Variants in CIITA observed in about 807,000 individuals in gnomAD.
The protein encoded by CIITA is MHC class II transactivator.
A neutral mutation model predicts 115.1 loss-of-function variants in CIITA; 72 were observed. That is an observed-to-expected ratio of 0.63 (90% CI 0.52 to 0.76). The LOEUF (loss-of-function observed/expected upper bound fraction) is 0.76, where lower values mean the gene tolerates loss of function less well. Ranked by LOEUF, CIITA falls within the 30% of genes least tolerant of loss-of-function variation. The probability of loss-of-function intolerance (pLI) is 0.00; values close to 1 mark genes in which losing one functional copy is unlikely to be tolerated. For missense variants in CIITA, 1,617 were observed against 1,463.8 expected, an observed-to-expected ratio of 1.10 and a Z score of -1.71; for synonymous variants, 763 against 635.6, an observed-to-expected ratio of 1.20 and a Z score of -3.02.
rs1221427989 is a variant in CIITA at position 10,925,165 on chromosome 16, G to A, written c.*1310G>A. 1 of 152,216 alleles carries A rather than the reference G, an allele frequency of 6.6e-6. No individual in the cohort carries two copies. Among genetic ancestry groups the A allele is most frequent in the African/African-American group, 2.4e-5 (1 of 41,428 alleles). The allele number at this position is 152,216 out of a possible 1,614,324, so 9.4% of individuals were successfully genotyped here. A position where few individuals can be genotyped will look rare whatever the true frequency, so the allele number is the denominator to read the frequency against. ...GCCTCAGTGCCACTACGGAATAGTT[G>A]GCTAGGACCCCTCCATGTGGGCTAG... On this transcript the variant is annotated 3_prime_UTR_variant, in exon 20 of 20. Coordinates refer to ENST00000324288, the MANE Select transcript of CIITA (RefSeq NM_000246.4).
At chr16:10,897,825 T>C (rs1473776157) in intron 3 of CIITA, among the ~76,000 whole-genome samples, 2 of 152,160 alleles carry the variant, frequency 1.3e-5, no homozygotes, top group Non-Finnish European at 2.9e-5. Flanking sequence ...TCATCTTCAT[T>C]TTCATCACCT....
rs1371832966 is a variant in CIITA at position 10,941,906 on chromosome 16, A to G, written n.1032A>G. 4.4e-6 allele frequency: 7 copies of G among 1,608,418 alleles called. No homozygotes were observed. The highest frequency in any genetic ancestry group is 1.7e-5 in the Admixed American group (1 of 59,366). ...TACAGGATCAGCACATTGACGAAGA[A>G]CAGGCCCACGTAGAACATAGAGGGC... On this transcript the variant is annotated non_coding_transcript_exon_variant, in exon 2 of 2. Transcript: ENST00000573379. The surrounding 1 kb of genome is among the most constrained non-coding windows in gnomAD (Gnocchi z 6.4).
chr16:10,906,759 G>A lies in CIITA; in HGVS notation c.1267G>A (p.Gly423Ser). The A allele has an allele frequency of 6.2e-7, 1 of 1,610,984 alleles. No homozygotes were observed. Among genetic ancestry groups the A allele is most frequent in the African/African-American group, 1.3e-5 (1 of 75,054 alleles). ...AGTGATTGCTGTGCTGGGCAAAGCTGGTCAGGGCAAGAGCTATTGGGCTGG... is the reference window on the plus strand; with the variant it reads ...AGTGATTGCTGTGCTGGGCAAAGCTAGTCAGGGCAAGAGCTATTGGGCTGG... ...TRVIAVLGKA[G>S]QGKSYWAGAV... Residue 423 changes from glycine to serine, a missense_variant, in exon 11 of 20, where the codon GGT (glycine) becomes AGT (serine). By Grantham distance (56) the Gly-to-Ser change is moderately conservative (BLOSUM62 0). Coordinates refer to ENST00000324288, the MANE Select transcript of CIITA (RefSeq NM_000246.4).
At chr16:10,936,435 C>T (rs1395133878), downstream of CIITA, 2 of 152,112 alleles carry the variant, frequency 1.3e-5, no homozygotes, top group African/African-American at 4.8e-5. Flanking sequence ...ATGAAAATTA[C>T]ACATATACAC....
chr16:10,900,939 T>C (rs1426116464), intron 5 of CIITA, among the ~76,000 whole-genome samples: 4 of 152,218 alleles, frequency 2.6e-5, no homozygotes, highest in South Asian at 4.1e-4. Flanking sequence ...TCAATGTACA[T>C]TTCAAATGTA....
At position 10,907,139 on chromosome 16, in the gene CIITA, C is replaced by G; in HGVS notation, c.1647C>G (p.Pro549=). 1 of 1,612,794 alleles carries G rather than the reference C, an allele frequency of 6.2e-7. No individual in the cohort carries two copies. ...GCACCCTCCTCCTCACAGCCCGGCC[C>G]CGGGGCCGCCTGGTCCAGAGCCTGA... The part of the protein sequence containing the change: ...RGCTLLLTAR[P]RGRLVQSLSK... The change falls in exon 11 of 20, where the codon CCC becomes CCG. Residue 549 remains proline (P), a synonymous_variant. Coordinates refer to ENST00000324288, the MANE Select transcript of CIITA (RefSeq NM_000246.4). This position sits in a 1 kb window ranked among gnomAD's most constrained non-coding sequence, Gnocchi z 5.0.
At position 10,931,955 on chromosome 16, in the gene CIITA, C is replaced by T. The variant is rs1000607440; in HGVS notation, c.*8100C>T. On this transcript the variant is annotated 3_prime_UTR_variant, in exon 20 of 20. Coordinates refer to ENST00000324288, the MANE Select transcript of CIITA (RefSeq NM_000246.4). ...TTAAAAGGAGCCAATTTAAAGAAAA[C>T]TGTTAATAGTTCAGGTAACAGGCAG... The T allele has an allele frequency of 1.3e-5, 2 of 152,216 alleles. No individual in the cohort carries two copies. Among genetic ancestry groups the T allele is most frequent in the Admixed American group, 1.3e-4 (2 of 15,276 alleles). The allele number at this position is 152,216 out of a possible 1,614,324, so 9.4% of individuals were successfully genotyped here. A position where few individuals can be genotyped will look rare whatever the true frequency, so the allele number is the denominator to read the frequency against.
At chr16:10,869,229 C>T (rs1384070035) in intron 1 of CIITA, among the ~76,000 whole-genome samples, 1 of 152,250 alleles carries the variant, frequency 6.6e-6, no homozygotes, top group Non-Finnish European at 1.5e-5. Flanking sequence ...TTTCCTACCT[C>T]ATCAGCTCCC....
chr16:10,915,405 G>A (rs2039882042), intron 13 of CIITA, among the ~76,000 whole-genome samples, 165 bp from the exon 14 acceptor site: 1 of 152,120 alleles, frequency 6.6e-6, no homozygotes, highest in Admixed American at 6.5e-5. Flanking sequence ...AAAGATTGGG[G>A]TCCTACGTGG....
chr16:10,867,257 G>A (rs1443836112), intron 1 of CIITA, among the ~76,000 whole-genome samples: 2 of 148,384 alleles, frequency 1.3e-5, no homozygotes, highest in East Asian at 2.0e-4. Flanking sequence ...AAAAAAAATA[G>A]AGAAATGGGG....
chr16:10,882,881 G>A (rs1043490304), intron 1 of CIITA, among the ~76,000 whole-genome samples: 1 of 152,190 alleles, frequency 6.6e-6, no homozygotes, highest in African/African-American at 2.4e-5. Context: ...TGGGCAACAA[G>A]AGTGAAACTC....
chr16:10,877,854 C>T (rs990461172), intron 1 of CIITA, among the ~76,000 whole-genome samples: 7 of 152,300 alleles, frequency 4.6e-5, no homozygotes, highest in Non-Finnish European at 1.0e-4. Context: ...CTGGCGGATG[C>T]TGCCCTCCCC....
upstream of CIITA, among the ~76,000 whole-genome samples, chr16:10,875,148 A>G (rs2035746068): frequency 1.3e-5 from 2 of 152,072 alleles, no homozygotes; most frequent in African/African-American, 2.4e-5. Context: ...TAGTAGAGAA[A>G]GGATTTTGCC....
chr16:10,941,465 G>C lies in CIITA; in HGVS notation n.591G>C. 1 of 1,168,504 alleles carries C rather than the reference G, an allele frequency of 8.6e-7. No individual in the cohort carries two copies. The highest frequency in any genetic ancestry group is 1.1e-6 in the Non-Finnish European group (1 of 902,356). The allele number at this position is 1,168,504 out of a possible 1,614,324, so 72.4% of individuals were successfully genotyped here. On this transcript the variant is annotated non_coding_transcript_exon_variant, in exon 2 of 2. Coordinates refer to the CIITA transcript ENST00000573379. The surrounding 1 kb of genome is among the most constrained non-coding windows in gnomAD (Gnocchi z 6.4). Reference sequence around the variant, plus strand: ...CCAGTTAGACCTGGAGGAGGTGAACGGAGGAGAAGCCTGAGGGAGGGGTGT... The same window carrying C: ...CCAGTTAGACCTGGAGGAGGTGAACCGAGGAGAAGCCTGAGGGAGGGGTGT...
chr16:10,922,137 A>G (rs371759316), intron 16 of CIITA, 30 bp from the exon 17 acceptor site: 76 of 1,582,814 alleles, frequency 4.8e-5, no homozygotes, highest in African/African-American at 6.7e-5. Context: ...CAGGCCTCCA[A>G]TCCCTCCCCC....
chr16:10,867,374 G>C (rs1176488334), intron 1 of CIITA, among the ~76,000 whole-genome samples: 1 of 151,878 alleles, frequency 6.6e-6, no homozygotes, highest in African/African-American at 2.4e-5. Context: ...GTGCATGTGT[G>C]TGTCTGTGTG....
At position 10,907,143 on chromosome 16, in the gene CIITA, G is replaced by A. The variant is rs772086041; in HGVS notation, c.1651G>A (p.Gly551Ser). ...CTLLLTARPR[G>S]RLVQSLSKAD... ...CCTCCTCCTCACAGCCCGGCCCCGG[G>A]GCCGCCTGGTCCAGAGCCTGAGCAA... The change falls in exon 11 of 20, where the codon GGC (glycine) becomes AGC (serine). Residue 551 changes from glycine to serine, a missense_variant. Gly to Ser is a moderately conservative substitution (Grantham distance 56). Coordinates refer to ENST00000324288, the MANE Select transcript of CIITA (RefSeq NM_000246.4). The surrounding 1 kb of genome is among the most constrained non-coding windows in gnomAD (Gnocchi z 5.0). The A allele has an allele frequency of 1.8e-5, 29 of 1,612,926 alleles. No homozygotes were observed. Among genetic ancestry groups the A allele is most frequent in the Non-Finnish European group, 2.2e-5 (26 of 1,179,862 alleles).
chr16:10,929,499 C>T lies in CIITA; in HGVS notation c.*5644C>T, dbSNP rs1214001353. 1.0e-6 allele frequency: 1 copy of T among 985,602 alleles called. No homozygotes were observed. The highest frequency in any genetic ancestry group is 1.7e-5 in the African/African-American group (1 of 57,246). The allele number at this position is 985,602 out of a possible 1,614,324, so 61.1% of individuals were successfully genotyped here. On this transcript the variant is annotated 3_prime_UTR_variant, in exon 20 of 20. Transcript: ENST00000324288. The surrounding 1 kb of genome is among the most constrained non-coding windows in gnomAD (Gnocchi z 4.3). ...CAGCACTCAGTCCCAATCTCTCTTC[C>T]ACTCTCCTGGGTTCAAACAGGAACC...
At chr16:10,887,505 T>C (rs888770267) in intron 1 of CIITA, among the ~76,000 whole-genome samples, 13 of 151,880 alleles carry the variant, frequency 8.6e-5, no homozygotes, top group African/African-American at 2.9e-4. Flanking sequence ...GCTTTTTTTT[T>C]TTTTGTCTGA....
Sources: gnomAD v4.1 joint callset for allele counts (sites outside exome capture counted in the v4.1 genomes callset) on GRCh38, gnomAD v4.1.1 for gene constraint, Gnocchi (gnomAD v3.1) non-coding constraint, MANE v1.5 for transcripts, NCBI Gene and HGNC (gene_info 2026-07-23, HGNC 2026-07-21) for gene names.